ELAVL4: variants seen among roughly 807,000 people sequenced by gnomAD.
ELAVL4 encodes the protein ELAV-like protein 4.
In ELAVL4, 1 loss-of-function variant was observed where a neutral mutation model predicts 35.6. That is an observed-to-expected ratio of 0.03 (90% confidence interval 0.01 to 0.13). The LOEUF is 0.13. Ranked by LOEUF, ELAVL4 falls within the 10% of genes least tolerant of loss-of-function variation. ELAVL4 has a pLI of 1.00. For missense variants in ELAVL4, 267 were observed against 464.9 expected, an observed-to-expected ratio of 0.57 and a Z score of 3.91; for synonymous variants, 156 against 171.0, an observed-to-expected ratio of 0.91 and a Z score of 0.69.
intron 2 of ELAVL4, among the ~76,000 whole-genome samples, chr1:50,168,446 G>A (rs1240779368): frequency 1.3e-5 from 2 of 152,098 alleles, no homozygotes; most frequent in Non-Finnish European, 2.9e-5. Flanking sequence ...CTGTTTTTCC[G>A]TAATTTCAGC....
At chr1:50,092,817 G>T (rs1665552747) in intron 1 of ELAVL4, among the ~76,000 whole-genome samples, 1 of 152,184 alleles carries the variant, frequency 6.6e-6, no homozygotes, top group Non-Finnish European at 1.5e-5. Context: ...ACCATGCCAG[G>T]CATGGAGGGC....
At chr1:50,194,721 A>G (rs976218328) in intron 4 of ELAVL4, among the ~76,000 whole-genome samples, 1 of 152,188 alleles carries the variant, frequency 6.6e-6, no homozygotes, top group South Asian at 2.1e-4. Context: ...GAAGCTGTCA[A>G]GTGCCCCTGA....
At chr1:50,126,094 T>C (rs1669864826) in intron 1 of ELAVL4, among the ~76,000 whole-genome samples, 1 of 152,050 alleles carries the variant, frequency 6.6e-6, no homozygotes, top group Non-Finnish European at 1.5e-5. Context: ...GGGTGTGCAT[T>C]TTAGGTATTG....
At chr1:50,149,083 G>GA (rs897973231) in intron 2 of ELAVL4, among the ~76,000 whole-genome samples, 4 of 150,130 alleles carry the variant, frequency 2.7e-5, no homozygotes, top group East Asian at 3.9e-4. Context: ...AATAAGGAAA[G>GA]AAAAAAAAAG....
At chr1:50,079,233 C>A (rs990013363) in intron 1 of ELAVL4, among the ~76,000 whole-genome samples, 3 of 152,088 alleles carry the variant, frequency 2.0e-5, no homozygotes, top group African/African-American at 7.2e-5. Flanking sequence ...AGCTCTCCAT[C>A]TTTAAAACTG....
intron 1 of ELAVL4, among the ~76,000 whole-genome samples, chr1:50,075,903 CTG>C (rs1664740708): frequency 6.6e-6 from 1 of 152,128 alleles, no homozygotes; most frequent in East Asian, 1.9e-4. Flanking sequence ...TCTCGGCTCG[CTG>C]CAACCTCCAC....
At chr1:50,123,771 C>T (rs931426527) in intron 1 of ELAVL4, among the ~76,000 whole-genome samples, 1 of 152,044 alleles carries the variant, frequency 6.6e-6, no homozygotes, top group East Asian at 1.9e-4. Flanking sequence ...ACAGATCCCT[C>T]GGTCTCCAAC....
At chr1:50,142,888 A>C (rs1226530527) in intron 1 of ELAVL4, among the ~76,000 whole-genome samples, 1 of 152,212 alleles carries the variant, frequency 6.6e-6, no homozygotes, top group Non-Finnish European at 1.5e-5. Flanking sequence ...CAGATAAATA[A>C]AATGTAATAT....
intron 1 of ELAVL4, among the ~76,000 whole-genome samples, chr1:50,058,942 A>G (rs1192195870): frequency 2.0e-5 from 3 of 152,034 alleles, no homozygotes; most frequent in Non-Finnish European, 2.9e-5. Context: ...TTGTTCCTTT[A>G]TTCACTATTC....
intron 2 of ELAVL4, among the ~76,000 whole-genome samples, chr1:50,161,402 TG>T (rs1417813570): frequency 6.6e-6 from 1 of 152,250 alleles, no homozygotes; most frequent in African/African-American, 2.4e-5. Flanking sequence ...TCCTTCTTTT[TG>T]TATGATAAAT....
Position 50,109,033 on chromosome 1 carries a change from A to G in ELAVL4, c.-157A>G. The G allele has an allele frequency of 5.2e-5, 8 of 153,382 alleles. No homozygotes were observed. Among genetic ancestry groups the G allele is most frequent in the Non-Finnish European group, 5.8e-5 (8 of 138,148 alleles). 9.5% of individuals were successfully genotyped at this position (153,382 alleles called of 1,614,324 possible). A position where few individuals can be genotyped will look rare whatever the true frequency, so the allele number is the denominator to read the frequency against. Reference sequence around the variant, plus strand: ...CTTTCTCTCCCCCGCCCACCCCCCCAAAAATAATTGATTTGCTTTACAATC... The same window carrying G: ...CTTTCTCTCCCCCGCCCACCCCCCCGAAAATAATTGATTTGCTTTACAATC... On this transcript the variant is annotated 5_prime_UTR_variant, in exon 1 of 7. Transcript: ENST00000371824.
chr1:50,137,543 G>T (rs934570959), intron 1 of ELAVL4, among the ~76,000 whole-genome samples: 1 of 150,658 alleles, frequency 6.6e-6, no homozygotes, highest in Non-Finnish European at 1.5e-5. Context: ...AAGGCAGGAA[G>T]GAAGGAAAAA....
intron 2 of ELAVL4, among the ~76,000 whole-genome samples, chr1:50,146,028 G>T (rs143445201): frequency 1.2e-3 from 178 of 152,290 alleles, no homozygotes; most frequent in African/African-American, 4.1e-3. Flanking sequence ...TGGCAGTGAA[G>T]CTGCTACTCT....
chr1:50,063,776 T>C (rs1240212256), intron 1 of ELAVL4, among the ~76,000 whole-genome samples: 1 of 152,174 alleles, frequency 6.6e-6, no homozygotes, highest in Non-Finnish European at 1.5e-5. Flanking sequence ...TTTATCACAC[T>C]GCCTTCCTTT....
chr1:50,200,597 C>CT (rs1644342281), intron 6 of ELAVL4, among the ~76,000 whole-genome samples: 1 of 152,280 alleles, frequency 6.6e-6, no homozygotes, highest in East Asian at 1.9e-4. Flanking sequence ...TCTGGGAGCC[C>CT]TGGGAGTCCC....
chr1:50,053,070 A>T (rs1482463744), intron 1 of ELAVL4, among the ~76,000 whole-genome samples: 1 of 152,210 alleles, frequency 6.6e-6, no homozygotes, highest in Non-Finnish European at 1.5e-5. Context: ...AACGCTTATT[A>T]TCTATAGTAC....
At chr1:50,161,982 A>G (rs997179655) in intron 2 of ELAVL4, among the ~76,000 whole-genome samples, 2 of 152,188 alleles carry the variant, frequency 1.3e-5, no homozygotes, top group South Asian at 4.1e-4. Context: ...GTGCATTTTC[A>G]TGTTCAGAGA....
At chr1:50,076,614 G>C (rs1664777351) in intron 1 of ELAVL4, among the ~76,000 whole-genome samples, 1 of 152,108 alleles carries the variant, frequency 6.6e-6, no homozygotes, top group Non-Finnish European at 1.5e-5. Flanking sequence ...ATATTCCAAG[G>C]GTCCTGGAGG....
chr1:50,167,746 C>T (rs1466921566), intron 2 of ELAVL4, among the ~76,000 whole-genome samples: 2 of 152,048 alleles, frequency 1.3e-5, no homozygotes, highest in Admixed American at 1.3e-4. Context: ...CATAATGGGC[C>T]ATTCTATCCA....
Sources: gnomAD v4.1 joint callset for allele counts (sites outside exome capture counted in the v4.1 genomes callset) on GRCh38, gnomAD v4.1.1 for gene constraint, MANE v1.5 for transcripts, NCBI Gene and HGNC (gene_info 2026-07-23, HGNC 2026-07-21) for gene names.